Variants in MYBPC3 observed in about 807,000 individuals in gnomAD.
The protein encoded by MYBPC3 is myosin-binding protein C, cardiac-type.
A neutral mutation model predicts 159.3 loss-of-function variants in MYBPC3; 108 were observed. The observed-to-expected ratio is 0.68, with a 90% CI of 0.58 to 0.80. The LOEUF (loss-of-function observed/expected upper bound fraction) is 0.80, where lower values mean the gene tolerates loss of function less well. MYBPC3 is among the 30% of genes least tolerant of loss of function. MYBPC3 has a pLI of 0.00. For synonymous variants in MYBPC3, 730 were observed against 702.0 expected (o/e 1.04, Z -0.63); for missense variants, 1,631 against 1,762.1 (o/e 0.93, Z 1.33).
chr11:47,340,114 AC>A (rs2095886831), intron 20 of MYBPC3, among the ~76,000 whole-genome samples: 1 of 147,964 alleles, frequency 6.8e-6, no homozygotes, highest in African/African-American at 2.5e-5. Flanking sequence ...ATACACACAC[AC>A]ACAATACACA....
rs758561878 is a variant in MYBPC3 at position 47,338,366 on chromosome 11, C to T, written c.2308+154G>A. Among the ~76,000 whole-genome samples the T allele has an allele frequency of 2.0e-5, 3 of 152,248 alleles. No individual in the cohort carries two copies. The highest frequency in any genetic ancestry group is 2.9e-5 in the Non-Finnish European group (2 of 68,044). On this transcript the variant is annotated intron_variant, in intron 23 of 34. Transcript: ENST00000545968. This position sits in a 1 kb window ranked among gnomAD's most constrained non-coding sequence, Gnocchi z 4.7. ...GCATCTGCCTCCATCTCCCCCAGAGCGGGGCTCCTTTTGGGCAGAAAAACC... is the reference window on the plus strand; with the variant it reads ...GCATCTGCCTCCATCTCCCCCAGAGTGGGGCTCCTTTTGGGCAGAAAAACC...
At chr11:47,344,884 G>A (rs1002496984) in intron 12 of MYBPC3, among the ~76,000 whole-genome samples, 7 of 152,150 alleles carry the variant, frequency 4.6e-5, no homozygotes, top group Non-Finnish European at 1.0e-4. Flanking sequence ...TCTGCCTCCC[G>A]GGTTCAAGTG....
intron 23 of MYBPC3, among the ~76,000 whole-genome samples, 185 bp from the exon 24 acceptor site, chr11:47,337,979 T>C (rs1366036816): frequency 1.4e-5 from 2 of 142,052 alleles, no homozygotes; most frequent in Non-Finnish European, 3.0e-5. Flanking sequence ...TTTAGTGATA[T>C]GGAGTCTCAC....
chr11:47,331,970 G>A (rs1167031169), intron 33 of MYBPC3, 89 bp from the exon 34 acceptor site: 2 of 1,592,710 alleles, frequency 1.3e-6, no homozygotes, highest in Non-Finnish European at 1.7e-6. Context: ...TGCCCTTGCA[G>A]CCAGGGCAGG....
At chr11:47,334,985 C>T (rs371559267) in intron 27 of MYBPC3, 57 bp downstream of exon 27, 2 of 1,428,232 alleles carry the variant, frequency 1.4e-6, no homozygotes, top group Admixed American at 5.1e-5. Flanking sequence ...CTCCACTGGA[C>T]ACCAAGGGCC....
chr11:47,335,975 T>C lies in MYBPC3; in HGVS notation c.2639A>G (p.Asp880Gly). 6.4e-7 allele frequency: 1 copy of C among 1,552,412 alleles called. No individual in the cohort carries two copies. The highest frequency in any genetic ancestry group is 8.7e-7 in the Non-Finnish European group (1 of 1,150,174). ...PSEPTHLAVE[D>G]VSDTTVSLKW... ...GAGGGAGACCGTGGTGTCAGAGACG[T>C]CCTCTACTGCCAGGTGGGTGGGTTC... Residue 880 changes from aspartate (D) to glycine (G), a missense_variant, in exon 26 of 35, where the codon GAC becomes GGC. By Grantham distance (94) the Asp-to-Gly change is moderately conservative. Coordinates refer to ENST00000545968, the MANE Select transcript of MYBPC3 (RefSeq NM_000256.3).
chr11:47,336,994 G>A (rs533378202), intron 25 of MYBPC3, among the ~76,000 whole-genome samples: 1 of 152,364 alleles, frequency 6.6e-6, no homozygotes, highest in East Asian at 1.9e-4. Context: ...GGGTTGAAGG[G>A]TGTGGAGAAC....
Position 47,338,437 on chromosome 11 carries a change from C to G in MYBPC3, c.2308+83G>C. 1.9e-6 allele frequency: 3 copies of G among 1,582,778 alleles called. No homozygotes were observed. Among genetic ancestry groups the G allele is most frequent in the Non-Finnish European group, 1.7e-6 (2 of 1,159,984 alleles). ...CAGGGAGCATGCCCGTGATGTTTGT[C>G]GAGTGGCTGAATGAGCGAACGGATG... On this transcript the variant is annotated intron_variant, in intron 23 of 34. Transcript: ENST00000545968. This position sits in a 1 kb window ranked among gnomAD's most constrained non-coding sequence, Gnocchi z 4.7.
chr11:47,331,832 G>T lies in MYBPC3; in HGVS notation c.*26+13C>A, dbSNP rs756818187. 1.2e-6 allele frequency: 2 copies of T among 1,600,010 alleles called. No individual in the cohort carries two copies. Among genetic ancestry groups the T allele is most frequent in the East Asian group, 2.3e-5 (1 of 44,334 alleles). On this transcript the variant is annotated intron_variant, in intron 34 of 34. Coordinates refer to ENST00000545968, the MANE Select transcript of MYBPC3 (RefSeq NM_000256.3). ...GCCACTGACTTGTGCCCTGGGTGTCGGGTGGTACATACCTGGCCATCCCCA... is the reference window on the plus strand; with the variant it reads ...GCCACTGACTTGTGCCCTGGGTGTCTGGTGGTACATACCTGGCCATCCCCA...
intron 27 of MYBPC3, 54 bp from the exon 28 acceptor site, chr11:47,334,064 T>A (rs1450395261): frequency 1.3e-6 from 2 of 1,489,362 alleles, no homozygotes; most frequent in Non-Finnish European, 1.8e-6. Context: ...TCTGAGGGGC[T>A]CCACAGCTCC....
chr11:47,347,299 A>G lies in MYBPC3; in HGVS notation c.905+127T>C. 3 of 1,530,746 alleles carry G rather than the reference A, an allele frequency of 2.0e-6. No homozygotes were observed. In the South Asian group the frequency reaches 3.7e-5, roughly 19 times the overall value. The allele number at this position is 1,530,746 out of a possible 1,614,324, so 94.8% of individuals were successfully genotyped here. Reference sequence around the variant, plus strand: ...CTTCCACACTGGGATCATCCCCTCGACAGACAAGGAAACCAACTCAGAGAG... The same window carrying G: ...CTTCCACACTGGGATCATCCCCTCGGCAGACAAGGAAACCAACTCAGAGAG... On this transcript the variant is annotated intron_variant, in intron 9 of 34. Transcript: ENST00000545968.
rs557198352 is a variant in MYBPC3, at chr11:47,331,865, G to A, written c.*6C>T. On this transcript the variant is annotated 3_prime_UTR_variant, in exon 34 of 35. Coordinates refer to ENST00000545968, the MANE Select transcript of MYBPC3 (RefSeq NM_000256.3). ...CATACCTGGCCATCCCCAGGAGCCA[G>A]CCTGGTCACTGAGGCACTGCAGAAG... 2 of 1,609,460 alleles carry A rather than the reference G, an allele frequency of 1.2e-6. No individual in the cohort carries two copies. The highest frequency in any genetic ancestry group is 8.5e-7 in the Non-Finnish European group (1 of 1,178,260).
At position 47,338,092 on chromosome 11, in the gene MYBPC3, T is replaced by G. The variant is rs975623754; in HGVS notation, c.2309-298A>C. Among the ~76,000 whole-genome samples the G allele has an allele frequency of 6.6e-6, 1 of 151,850 alleles. No individual in the cohort carries two copies. The highest frequency in any genetic ancestry group is 1.5e-5 in the Non-Finnish European group (1 of 67,976). Reference sequence around the variant, plus strand: ...TCACTGCCCATATTCACCCCTGTCCTGGCTCTGATCCTCCCAACCCCACCC... The same window carrying G: ...TCACTGCCCATATTCACCCCTGTCCGGGCTCTGATCCTCCCAACCCCACCC... On this transcript the variant is annotated intron_variant, in intron 23 of 34. Coordinates refer to ENST00000545968, the MANE Select transcript of MYBPC3 (RefSeq NM_000256.3). This position sits in a 1 kb window ranked among gnomAD's most constrained non-coding sequence, Gnocchi z 4.7.
At position 47,341,253 on chromosome 11, in the gene MYBPC3, G is replaced by A. The variant is rs776017963; in HGVS notation, c.1791-9C>T. The A allele has an allele frequency of 6.4e-7, 1 of 1,568,266 alleles. No homozygotes were observed. Among genetic ancestry groups the A allele is most frequent in the Admixed American group, 1.9e-5 (1 of 53,374 alleles). Reference sequence around the variant, plus strand: ...TGGTCAGTTTGTGGACCCTGCAGGGGAGCAGTGGCTCAGGGGACCCCACTG... The same window carrying A: ...TGGTCAGTTTGTGGACCCTGCAGGGAAGCAGTGGCTCAGGGGACCCCACTG... On this transcript the variant is annotated splice_polypyrimidine_tract_variant and intron_variant, in intron 18 of 34. Transcript: ENST00000545968.
In MYBPC3 at chr11:47,339,341, A is replaced by T; in HGVS notation, c.2131T>A (p.Trp711Arg). 4 of 1,613,710 alleles carry T rather than the reference A, an allele frequency of 2.5e-6. No homozygotes were observed. The South Asian group carries it at 4.4e-5, about 18-fold the overall frequency. Residue 711 changes from tryptophan to arginine, a missense_variant, in exon 22 of 35, where the codon TGG (tryptophan) becomes AGG (arginine). By Grantham distance (101) the Trp-to-Arg change is moderately radical. Coordinates refer to ENST00000545968, the MANE Select transcript of MYBPC3 (RefSeq NM_000256.3). ...APEDTGDSDE[W>R]VFDKKLLCET... ...TCACTCACCTTCTTGTCAAACACCC[A>T]CTCATCGCTGTCACCTGTGTCCTCT...
At chr11:47,341,085 C>T (rs1019458793) in intron 19 of MYBPC3, 53 bp from the exon 20 acceptor site, 4 of 1,567,384 alleles carry the variant, frequency 2.6e-6, no homozygotes, top group Middle Eastern at 1.7e-4. Flanking sequence ...GGCCCAGTGA[C>T]AGGGGCTCCT....
chr11:47,343,151 T>G lies in MYBPC3; in HGVS notation c.1227-6A>C. 1.2e-6 allele frequency: 2 copies of G among 1,609,666 alleles called. No homozygotes were observed. Among genetic ancestry groups the G allele is most frequent in the South Asian group, 2.2e-5 (2 of 90,438 alleles). ...CGATGGACTCAAAGATGTACCTGGG[T>G]GGGGGCCGCAGGGAAGTGGCAGGAA... On this transcript the variant is annotated splice_region_variant and splice_polypyrimidine_tract_variant and intron_variant, in intron 14 of 34. Coordinates refer to ENST00000545968, the MANE Select transcript of MYBPC3 (RefSeq NM_000256.3).
chr11:47,331,627 A>G lies in MYBPC3; in HGVS notation c.*116T>C, dbSNP rs886048367. 1.8e-6 allele frequency: 1 copy of G among 560,426 alleles called. No homozygotes were observed. The allele number at this position is 560,426 out of a possible 1,614,324, so 34.7% of individuals were successfully genotyped here. A position where few individuals can be genotyped will look rare whatever the true frequency, so the allele number is the denominator to read the frequency against. On this transcript the variant is annotated 3_prime_UTR_variant, in exon 35 of 35. Coordinates refer to ENST00000545968, the MANE Select transcript of MYBPC3 (RefSeq NM_000256.3). ...CTGATCCCCCATCGCAGCACAGGAG[A>G]CACACTTGTCACACATACATCCAAC...
chr11:47,349,056 T>C (rs2697920), intron 5 of MYBPC3, among the ~76,000 whole-genome samples: 78,180 of 150,140 alleles, frequency 0.52, 23,003 homozygotes, highest in Middle Eastern at 0.67. Flanking sequence ...TGCTGGCACA[T>C]GGTTGTGGTG....
Sources: gnomAD v4.1 joint callset for allele counts (sites outside exome capture counted in the v4.1 genomes callset) on GRCh38, gnomAD v4.1.1 for gene constraint, Gnocchi (gnomAD v3.1) non-coding constraint, MANE v1.5 for transcripts, NCBI Gene and HGNC (gene_info 2026-07-23, HGNC 2026-07-21) for gene names.